The following PSG3 variants were observed in gnomAD, a reference collection of about 807,000 sequenced individuals.
The protein encoded by PSG3 is pregnancy-specific beta-1-glycoprotein 3.
PSG3 carries 61 observed loss-of-function variants against 47.5 expected under a neutral mutation model. The observed-to-expected ratio is 1.28, with a 90% confidence interval of 1.05 to 1.59. PSG3 has a LOEUF of 1.59. Among genes scored for constraint, PSG3 ranks in the 40% most tolerant of loss-of-function variants. The probability of loss-of-function intolerance (pLI) is 0.00; values close to 1 mark genes in which losing one functional copy is unlikely to be tolerated. For missense variants in PSG3, 756 were observed against 524.0 expected (o/e 1.44, Z -4.32); for synonymous variants, 263 against 198.4 (o/e 1.33, Z -2.74).
intron 5 of PSG3, among the ~76,000 whole-genome samples, chr19:42,725,813 A>G (rs1313215838): frequency 2.7e-5 from 4 of 150,520 alleles, no homozygotes; most frequent in Non-Finnish European, 5.9e-5. Context: ...GCAGTGAGCC[A>G]TAATCACACC....
At chr19:42,724,177 T>C (rs1969339269) in intron 5 of PSG3, 152 bp from the exon 6 acceptor site, 2 of 1,374,692 alleles carry the variant, frequency 1.5e-6, no homozygotes, top group Non-Finnish European at 1.9e-6. Context: ...GATGATTATA[T>C]TCTTGCAGTT....
Position 42,729,992 on chromosome 19 carries a change from T to A in PSG3, c.774A>T (p.Leu258Phe). Reference sequence around the variant, plus strand: ...CACTCTTAGGTTCACAGGTGAAGGCTAAGACATCCTTATTCTCCCTGGGGT... The same window carrying A: ...CACTCTTAGGTTCACAGGTGAAGGCAAAGACATCCTTATTCTCCCTGGGGT... ...NLNPRENKDV[L>F]AFTCEPKSEN... Residue 258 changes from leucine (L) to phenylalanine (F), a missense_variant, in exon 4 of 7, where the codon TTA becomes TTT. Physicochemically the swap from Leu to Phe is conservative, Grantham distance 22. Transcript: ENST00000327495. 1 of 1,612,452 alleles carries A rather than the reference T, an allele frequency of 6.2e-7. No individual in the cohort carries two copies. The highest frequency in any genetic ancestry group is 8.5e-7 in the Non-Finnish European group (1 of 1,179,862).
rs544092452 is a variant in PSG3, at chr19:42,721,686, C to T, written c.*445G>A. ...TTATTACCATAAACATATGAATACTCCTGAATAGTTTCCCAATTCTGGGGC... is the reference window on the plus strand; with the variant it reads ...TTATTACCATAAACATATGAATACTTCTGAATAGTTTCCCAATTCTGGGGC... On this transcript the variant is annotated 3_prime_UTR_variant, in exon 7 of 7. Coordinates refer to ENST00000327495, the MANE Select transcript of PSG3 (RefSeq NM_021016.4). 36 of 332,544 alleles carry T rather than the reference C, an allele frequency of 1.1e-4. No homozygotes were observed. The highest frequency in any genetic ancestry group is 1.7e-4 in the Non-Finnish European group (32 of 184,910). 20.6% of individuals were successfully genotyped at this position (332,544 alleles called of 1,614,324 possible).
intron 5 of PSG3, among the ~76,000 whole-genome samples, chr19:42,726,821 A>G (rs1346788205): frequency 6.6e-6 from 1 of 152,218 alleles, no homozygotes; most frequent in African/African-American, 2.4e-5. Context: ...GACTCTAAAT[A>G]GACACACAGC....
At chr19:42,724,334 T>C (rs1174148945) in intron 5 of PSG3, among the ~76,000 whole-genome samples, 4 of 152,212 alleles carry the variant, frequency 2.6e-5, no homozygotes, top group African/African-American at 7.2e-5. Context: ...TTGCACCTTT[T>C]CATGGTTGCA....
Position 42,723,643 on chromosome 19 carries a change from T to C in PSG3, c.*40+299A>G, listed in dbSNP as rs543086109. Among the ~76,000 whole-genome samples the C allele has an allele frequency of 1.5e-3, 230 of 152,322 alleles. 2 individuals are homozygous for C. The highest frequency in any genetic ancestry group is 2.9e-3 in the Non-Finnish European group (195 of 68,028). The stretch of plus-strand genomic sequence containing the variant: ...TATGGGAATGGAGAGAATTACACTA[T>C]TGAGAGATGTTAAAAATAATGAAGA... On this transcript the variant is annotated intron_variant, in intron 6 of 6. Coordinates refer to ENST00000327495, the MANE Select transcript of PSG3 (RefSeq NM_021016.4).
At chr19:42,736,543 C>T (rs552906605) in intron 2 of PSG3, among the ~76,000 whole-genome samples, 65 of 152,004 alleles carry the variant, frequency 4.3e-4, no homozygotes, top group Middle Eastern at 3.4e-3. Flanking sequence ...AATAAACCTC[C>T]ATCCTCCTGT....
At chr19:42,731,853 T>C (rs1029287947) in intron 3 of PSG3, 1 of 151,276 alleles carries the variant, frequency 6.6e-6, no homozygotes. Flanking sequence ...TGGTTAAACT[T>C]ATTTCAAAAT....
intron 6 of PSG3, among the ~76,000 whole-genome samples, chr19:42,723,235 C>A (rs1286817692): frequency 2.0e-5 from 3 of 152,172 alleles, no homozygotes; most frequent in Admixed American, 1.3e-4. Flanking sequence ...AGTCTTAGTT[C>A]TCCACGAGGT....
intron 2 of PSG3, among the ~76,000 whole-genome samples, chr19:42,736,534 A>G (rs1359724764): frequency 6.6e-6 from 1 of 152,072 alleles, no homozygotes; most frequent in Non-Finnish European, 1.5e-5. Flanking sequence ...TTGAGTAATA[A>G]TAAACCTCCA....
intron 2 of PSG3, among the ~76,000 whole-genome samples, chr19:42,738,409 T>G (rs1969602481): frequency 6.6e-6 from 1 of 152,172 alleles, no homozygotes; most frequent in Non-Finnish European, 1.5e-5. Flanking sequence ...CCTACTCAGT[T>G]TGCCAGGGTC....
intron 2 of PSG3, chr19:42,733,558 G>A: frequency 6.0e-6 from 1 of 165,504 alleles, no homozygotes; most frequent in South Asian, 1.5e-4. Flanking sequence ...GCCTGACCTG[G>A]GACTGGGTAC....
chr19:42,730,335 G>T (rs564101782), intron 3 of PSG3, among the ~76,000 whole-genome samples: 97 of 152,272 alleles, frequency 6.4e-4, no homozygotes, highest in South Asian at 1.7e-3. Flanking sequence ...CACAGCCCCT[G>T]GTACCCCTCC....
At chr19:42,733,732 A>C (rs2353143) in intron 2 of PSG3, 2 of 154,008 alleles carry the variant, frequency 1.3e-5, no homozygotes, top group African/African-American at 2.4e-5. Context: ...ATGACCTACA[A>C]AGAGTGAAGG....
chr19:42,731,355 C>G (rs773170469), intron 3 of PSG3, among the ~76,000 whole-genome samples: 41 of 152,188 alleles, frequency 2.7e-4, no homozygotes, highest in Non-Finnish European at 4.1e-4. Context: ...GTGAGCATTT[C>G]TTTTCAGCAT....
At position 42,730,011 on chromosome 19, in the gene PSG3, C is replaced by T. The variant is rs185905034; in HGVS notation, c.755G>A (p.Arg252Lys). 3.1e-6 allele frequency: 5 copies of T among 1,612,522 alleles called. No individual in the cohort carries two copies. In the South Asian group the frequency reaches 3.3e-5, roughly 11 times the overall value. The part of the protein sequence containing the change: ...PYITINNLNP[R>K]ENKDVLAFTC... ...GAAGGCTAAGACATCCTTATTCTCCCTGGGGTTTAAGTTGTTGATGGTGAT... is the reference window on the plus strand; with the variant it reads ...GAAGGCTAAGACATCCTTATTCTCCTTGGGGTTTAAGTTGTTGATGGTGAT... The change falls in exon 4 of 7, where the codon AGG (arginine) becomes AAG (lysine). Residue 252 changes from arginine (R) to lysine (K), a missense_variant. Arg to Lys is a conservative substitution (Grantham distance 26). Transcript: ENST00000327495.
intron 2 of PSG3, among the ~76,000 whole-genome samples, 166 bp from the exon 3 acceptor site, chr19:42,733,228 C>G (rs1007163356): frequency 6.6e-6 from 1 of 152,088 alleles, no homozygotes; most frequent in African/African-American, 2.4e-5. Context: ...TCTGAGGGCT[C>G]AGAGATTGTG....
chr19:42,722,230 T>C (rs1969309982), intron 6 of PSG3, 140 bp from the exon 7 acceptor site: 4 of 393,234 alleles, frequency 1.0e-5, no homozygotes, highest in Non-Finnish European at 1.8e-5. Flanking sequence ...AGAAATTTCA[T>C]ATAATTTTTA....
rs1969433378 is a variant in PSG3, at chr19:42,729,439, T to C, written c.989-62A>G. 7 of 1,562,004 alleles carry C rather than the reference T, an allele frequency of 4.5e-6. No homozygotes were observed. The South Asian group carries it at 7.4e-5, about 17-fold the overall frequency. ...CCGAGGGAAGGGGATGCTCCTGGTC[T>C]CTTAAAGGGACACAGTGACCCTCTG... On this transcript the variant is annotated intron_variant, in intron 4 of 6. Coordinates refer to ENST00000327495, the MANE Select transcript of PSG3 (RefSeq NM_021016.4).
Sources: allele counts gnomAD v4.1 joint callset (sites outside exome capture counted in the v4.1 genomes callset), GRCh38; gene constraint gnomAD v4.1.1; transcripts MANE v1.5; gene names NCBI Gene and HGNC (gene_info 2026-07-23, HGNC 2026-07-21).